The following DLG2 variants were observed in gnomAD, a reference collection of about 807,000 sequenced individuals.
DLG2 encodes the protein discs large MAGUK scaffold protein 2.
A neutral mutation model predicts 132.5 loss-of-function variants in DLG2; 45 were observed. The ratio of observed to expected loss-of-function variants is 0.34; its 90% confidence interval spans 0.27 to 0.44. DLG2 has a LOEUF of 0.44. DLG2 is among the 20% of genes least tolerant of loss of function. DLG2 has a pLI of 1.00. For synonymous variants in DLG2, 424 were observed against 419.6 expected (o/e 1.01, Z -0.13); for missense variants, 1,045 against 1,196.9 (o/e 0.87, Z 1.87).
intron 7 of DLG2, among the ~76,000 whole-genome samples, chr11:84,407,569 C>A (rs1341244039): frequency 3.3e-5 from 5 of 152,156 alleles, no homozygotes; most frequent in African/African-American, 1.2e-4. Context: ...GTTCCTAGAC[C>A]TACCTTCCTT....
In DLG2 at chr11:85,499,810, G is replaced by A. The variant is rs907967576; in HGVS notation, c.40+98847C>T. ...GTTCAACATATGCAAATCAATAAAT[G>A]TAATCCATCACATAAACAGAACCAA... On this transcript the variant is annotated intron_variant, in intron 3 of 27. Transcript: ENST00000376104. Among the ~76,000 whole-genome samples the A allele has an allele frequency of 9.2e-5, 14 of 152,026 alleles. No homozygotes were observed. The South Asian group carries it at 1.2e-3, about 14-fold the overall frequency.
chr11:84,352,528 C>A (rs2098583781), intron 7 of DLG2, among the ~76,000 whole-genome samples: 1 of 152,082 alleles, frequency 6.6e-6, no homozygotes, highest in East Asian at 1.9e-4. Flanking sequence ...ATTTTGTTTC[C>A]TGTATGTTTC....
chr11:85,437,712 T>A (rs1481299148), intron 3 of DLG2, among the ~76,000 whole-genome samples: 1 of 152,160 alleles, frequency 6.6e-6, no homozygotes. Context: ...AGTGCCAAAA[T>A]TTTTAATTTT....
intron 4 of DLG2, among the ~76,000 whole-genome samples, chr11:85,176,402 G>A (rs974837195): frequency 1.3e-5 from 2 of 152,118 alleles, no homozygotes; most frequent in Non-Finnish European, 2.9e-5. Context: ...AGGAGAACTG[G>A]CTAGCCAAAT....
intron 6 of DLG2, among the ~76,000 whole-genome samples, chr11:84,669,363 C>G (rs2153689810): frequency 6.6e-6 from 1 of 152,284 alleles, no homozygotes; most frequent in East Asian, 1.9e-4. Context: ...AGACTAACTT[C>G]ATATGCCAAA....
At chr11:85,248,934 G>C (rs1430022919) in intron 4 of DLG2, among the ~76,000 whole-genome samples, 3 of 151,988 alleles carry the variant, frequency 2.0e-5, no homozygotes, top group Non-Finnish European at 2.9e-5. Context: ...AGGGGCACAG[G>C]TTTGCCAATG....
chr11:84,451,226 C>T (rs1178515285), intron 7 of DLG2, among the ~76,000 whole-genome samples: 1 of 151,702 alleles, frequency 6.6e-6, no homozygotes, highest in African/African-American at 2.4e-5. Flanking sequence ...AATCCTTTTA[C>T]CTTCTAATAT....
At chr11:84,104,774 G>A (rs1410003329) in intron 9 of DLG2, among the ~76,000 whole-genome samples, 1 of 151,874 alleles carries the variant, frequency 6.6e-6, no homozygotes, top group East Asian at 1.9e-4. Flanking sequence ...ACATAAGAAG[G>A]AGATTTTAAA....
At chr11:84,508,629 A>T (rs370812889) in intron 7 of DLG2, among the ~76,000 whole-genome samples, 172 of 152,104 alleles carry the variant, frequency 1.1e-3, no homozygotes, top group African/African-American at 3.7e-3. Flanking sequence ...CGGACTCCTG[A>T]CCTCAGGTGA....
intron 7 of DLG2, among the ~76,000 whole-genome samples, chr11:84,398,392 A>C (rs556951566): frequency 8.5e-5 from 13 of 152,324 alleles, no homozygotes; most frequent in African/African-American, 3.1e-4. Context: ...AGTAGAGCTC[A>C]TACTGGTATC....
At chr11:84,860,811 A>T (rs1340857263) in intron 6 of DLG2, among the ~76,000 whole-genome samples, 1 of 152,082 alleles carries the variant, frequency 6.6e-6, no homozygotes, top group East Asian at 1.9e-4. Flanking sequence ...GAAAAATGAA[A>T]ACACTGAAGA....
At chr11:84,885,045 C>T (rs1164279732) in intron 6 of DLG2, among the ~76,000 whole-genome samples, 3 of 152,044 alleles carry the variant, frequency 2.0e-5, no homozygotes, top group South Asian at 4.1e-4. Flanking sequence ...AAAGCTATGT[C>T]GCAATGCCTG....
chr11:84,498,873 A>G (rs769196592), intron 7 of DLG2, among the ~76,000 whole-genome samples: 1 of 152,210 alleles, frequency 6.6e-6, no homozygotes, highest in African/African-American at 2.4e-5. Context: ...CAGAGAAAGT[A>G]AATACTGAGA....
At chr11:85,092,954 T>C (rs2069039882) in intron 6 of DLG2, among the ~76,000 whole-genome samples, 1 of 152,198 alleles carries the variant, frequency 6.6e-6, no homozygotes, top group Non-Finnish European at 1.5e-5. Flanking sequence ...TGTGATGTTT[T>C]GATATAGGCA....
intron 6 of DLG2, among the ~76,000 whole-genome samples, chr11:84,647,636 T>C (rs149521766): frequency 2.6e-4 from 40 of 152,348 alleles, no homozygotes; most frequent in African/African-American, 9.4e-4. Context: ...CATTAGATCA[T>C]AAATTCCTTG....
intron 7 of DLG2, among the ~76,000 whole-genome samples, chr11:84,342,569 T>C (rs2098520225): frequency 6.6e-6 from 1 of 152,208 alleles, no homozygotes; most frequent in South Asian, 2.1e-4. Context: ...CTTTACTGCC[T>C]TGGGGTCAAT....
chr11:85,371,064 T>A (rs1458817587), intron 3 of DLG2, among the ~76,000 whole-genome samples: 1 of 152,166 alleles, frequency 6.6e-6, no homozygotes, highest in Non-Finnish European at 1.5e-5. Context: ...CAGACAATTG[T>A]CTTGTTTTAA....
chr11:85,600,728 G>A (rs1412629562), intron 2 of DLG2, among the ~76,000 whole-genome samples: 5 of 152,170 alleles, frequency 3.3e-5, no homozygotes, highest in Non-Finnish European at 7.3e-5. Context: ...GATAGTTTTT[G>A]TGAAAACCTC....
chr11:84,059,335 T>C lies in DLG2; in HGVS notation c.899A>G (p.Lys300Arg), dbSNP rs1030798155. Residue 300 changes from lysine to arginine, a missense_variant, in exon 11 of 28, where the codon AAA becomes AGA. Lys to Arg is a conservative substitution (Grantham distance 26). Around this residue, in one of 4 missense-constraint regions of DLG2, gnomAD observed 109 missense variants for 159.1 expected, o/e 0.69. Coordinates refer to ENST00000376104, the MANE Select transcript of DLG2 (RefSeq NM_001142699.3). ...RPILETVVEI[K>R]LFKGPKGLGF... Reference sequence around the variant, plus strand: ...ATTACCTTTAGGGCCTTTGAACAGTTTGATTTCCACAACGGTCTCCAAAAT... The same window carrying C: ...ATTACCTTTAGGGCCTTTGAACAGTCTGATTTCCACAACGGTCTCCAAAAT... 5.0e-6 allele frequency: 8 copies of C among 1,613,652 alleles called. No homozygotes were observed. The highest frequency in any genetic ancestry group is 1.7e-5 in the Admixed American group (1 of 59,958).
Sources: gnomAD v4.1 joint callset for allele counts (sites outside exome capture counted in the v4.1 genomes callset) on GRCh38, gnomAD v4.1.1 for gene constraint, gnomAD v4.1.1 regional missense constraint, MANE v1.5 for transcripts, NCBI Gene and HGNC (gene_info 2026-07-23, HGNC 2026-07-21) for gene names.